The following LDLRAD4 variants were observed in gnomAD, a reference collection of about 807,000 sequenced individuals.
LDLRAD4 encodes low-density lipoprotein receptor class A domain-containing protein 4.
LDLRAD4 carries 5 observed loss-of-function variants against 17.0 expected under a neutral mutation model. The ratio of observed to expected loss-of-function variants is 0.29; its 90% confidence interval spans 0.15 to 0.62. The LOEUF (loss-of-function observed/expected upper bound fraction) is 0.62. LDLRAD4 is among the 20% of genes least tolerant of loss of function. LDLRAD4 has a pLI of 0.84. For missense variants in LDLRAD4, 340 were observed against 424.7 expected (o/e 0.80, Z 1.75); for synonymous variants, 168 against 171.8 (o/e 0.98, Z 0.17).
chr18:13,473,678 T>TAAATAA (rs1555701486), intron 3 of LDLRAD4, among the ~76,000 whole-genome samples: 1 of 79,952 alleles, frequency 1.3e-5, no homozygotes, highest in Non-Finnish European at 2.3e-5. Context: ...TATATATATA[T>TAAATAA]AACGTTTACA....
chr18:13,323,639 T>G (rs143477825), intron 1 of LDLRAD4, among the ~76,000 whole-genome samples: 1 of 152,320 alleles, frequency 6.6e-6, no homozygotes, highest in East Asian at 1.9e-4. Context: ...ATGGAAATTA[T>G]GACAGATGTG....
intron 3 of LDLRAD4, chr18:13,488,773 A>G (rs919620920): frequency 7.9e-5 from 12 of 152,260 alleles, no homozygotes; most frequent in Admixed American, 4.6e-4. Flanking sequence ...AGTTGGAGAA[A>G]TCGACTCCCC....
intron 1 of LDLRAD4, among the ~76,000 whole-genome samples, chr18:13,337,811 C>T (rs1262981575): frequency 1.3e-5 from 2 of 150,888 alleles, no homozygotes; most frequent in Non-Finnish European, 1.5e-5. Context: ...CAGTTAGCTA[C>T]GATTGTGCCA....
intron 3 of LDLRAD4, among the ~76,000 whole-genome samples, chr18:13,465,528 G>C (rs1180053890): frequency 6.6e-6 from 1 of 152,234 alleles, no homozygotes; most frequent in Non-Finnish European, 1.5e-5. Flanking sequence ...TTTGATTTTG[G>C]AGGAGGATGC....
chr18:13,256,722 C>G (rs530519428), intron 1 of LDLRAD4, among the ~76,000 whole-genome samples: 2 of 152,248 alleles, frequency 1.3e-5, no homozygotes, highest in African/African-American at 2.4e-5. Flanking sequence ...AAACGAGAGC[C>G]CTGGTAAGCT....
chr18:13,262,795 C>T (rs368257292), intron 1 of LDLRAD4, among the ~76,000 whole-genome samples: 419 of 41,674 alleles, frequency 0.01, 10 homozygotes, highest in Admixed American at 0.02. Flanking sequence ...CGGCTCTGTG[C>T]GTGGAAACTG....
chr18:13,267,626 C>G (rs1351866527), intron 1 of LDLRAD4, among the ~76,000 whole-genome samples: 1 of 152,254 alleles, frequency 6.6e-6, no homozygotes, highest in Non-Finnish European at 1.5e-5. Context: ...GAGCAAGCCT[C>G]ACTTCAGACG....
chr18:13,254,235 G>A (rs567533463), intron 1 of LDLRAD4, among the ~76,000 whole-genome samples: 2 of 152,366 alleles, frequency 1.3e-5, no homozygotes, highest in East Asian at 3.9e-4. Context: ...CCCAGGGGAG[G>A]CAGGGAGCTT....
chr18:13,447,460 G>T (rs1386457163), intron 3 of LDLRAD4, among the ~76,000 whole-genome samples: 1 of 152,064 alleles, frequency 6.6e-6, no homozygotes, highest in African/African-American at 2.4e-5. Flanking sequence ...AATAAACAAA[G>T]GCGGAGAACA....
intron 3 of LDLRAD4, among the ~76,000 whole-genome samples, chr18:13,493,573 A>G (rs886820244): frequency 3.9e-5 from 6 of 152,220 alleles, no homozygotes; most frequent in Admixed American, 2.6e-4. Context: ...TTAGCTGGTC[A>G]TCGCTTTATA....
At chr18:13,561,178 C>T (rs558514654) in intron 3 of LDLRAD4, among the ~76,000 whole-genome samples, 6 of 152,116 alleles carry the variant, frequency 3.9e-5, no homozygotes, top group Admixed American at 1.3e-4. Context: ...TCAGGTTCCA[C>T]GTTTGAAAGG....
At chr18:13,643,395 C>A in exon 5 of LDLRAD4, 3 of 1,171,684 alleles carry the variant, frequency 2.6e-6, no homozygotes, top group Non-Finnish European at 2.1e-6. Context: ...CGCCGCACCG[C>A]GGCTGGGCGC....
chr18:13,226,274 G>GCCTC (rs2041801610), intron 1 of LDLRAD4, among the ~76,000 whole-genome samples: 1 of 140,194 alleles, frequency 7.1e-6, no homozygotes, highest in Non-Finnish European at 1.5e-5. Flanking sequence ...TCCCGCCTTG[G>GCCTC]CCTCCCAGGG....
At chr18:13,549,495 T>G (rs1239931933) in intron 3 of LDLRAD4, among the ~76,000 whole-genome samples, 2 of 152,022 alleles carry the variant, frequency 1.3e-5, no homozygotes, top group Non-Finnish European at 2.9e-5. Context: ...TCTGTTCAGT[T>G]TATTTTATTC....
intron 3 of LDLRAD4, among the ~76,000 whole-genome samples, chr18:13,541,943 G>C (rs1383137358): frequency 6.6e-6 from 1 of 152,142 alleles, no homozygotes; most frequent in Non-Finnish European, 1.5e-5. Context: ...GGGTGTGGTG[G>C]TACATGTCTA....
intron 4 of LDLRAD4, chr18:13,642,671 C>T (rs2042681634): frequency 8.1e-7 from 1 of 1,231,346 alleles, no homozygotes; most frequent in African/African-American, 1.6e-5. Context: ...GCCACCTCTG[C>T]CAGGGCTTCC....
At chr18:13,218,035 C>G (rs1352621923), upstream of LDLRAD4, 7 of 151,478 alleles carry the variant, frequency 4.6e-5, no homozygotes, top group African/African-American at 9.7e-5. Flanking sequence ...CCAGCAGGGC[C>G]GGTGGCCGCG....
chr18:13,243,570 T>TA (rs1420061532), intron 1 of LDLRAD4, among the ~76,000 whole-genome samples: 1 of 149,764 alleles, frequency 6.7e-6, no homozygotes, highest in African/African-American at 2.5e-5. Context: ...TCCATGCACC[T>TA]ACCCACCCAT....
intron 1 of LDLRAD4, among the ~76,000 whole-genome samples, chr18:13,356,880 T>C (rs920016777): frequency 6.6e-6 from 1 of 152,244 alleles, no homozygotes; most frequent in Non-Finnish European, 1.5e-5. Context: ...ACGCCTGTAA[T>C]CCCAGCACTT....
Sources: allele counts gnomAD v4.1 joint callset (sites outside exome capture counted in the v4.1 genomes callset), GRCh38; gene constraint gnomAD v4.1.1; transcripts MANE v1.5; gene names NCBI Gene and HGNC (gene_info 2026-07-23, HGNC 2026-07-21).